The following RAP1GAP variants were observed in gnomAD, a reference collection of about 807,000 sequenced individuals.
RAP1GAP encodes rap1 GTPase-activating protein 1.
RAP1GAP carries 35 observed loss-of-function variants against 87.2 expected under a neutral mutation model. The ratio of observed to expected loss-of-function variants is 0.40; its 90% CI spans 0.31 to 0.53. The LOEUF (loss-of-function observed/expected upper bound fraction) is 0.53. RAP1GAP is among the 20% of genes least tolerant of loss of function. RAP1GAP has a pLI of 0.48. For synonymous variants in RAP1GAP, 375 were observed against 363.9 expected, an observed-to-expected ratio of 1.03 and a Z score of -0.35; for missense variants, 734 against 898.9, an observed-to-expected ratio of 0.82 and a Z score of 2.35.
intron 1 of RAP1GAP, chr1:21,651,773 C>G: frequency 6.9e-7 from 1 of 1,443,894 alleles, no homozygotes; most frequent in South Asian, 1.4e-5. Context: ...CCGCGCCACG[C>G]CCTACCCGCC....
intron 2 of RAP1GAP, among the ~76,000 whole-genome samples, chr1:21,630,266 C>T (rs202143254): frequency 1.4e-5 from 2 of 145,884 alleles, no homozygotes; most frequent in Non-Finnish European, 3.0e-5. Flanking sequence ...TTCTTTTTCC[C>T]TTTTTTTTTT....
rs1405330877 is a variant in RAP1GAP, at chr1:21,615,199, A to T, written c.292-1110T>A. Among the ~76,000 whole-genome samples, 2 of 152,120 alleles carry T rather than the reference A, an allele frequency of 1.3e-5. No homozygotes were observed. Among genetic ancestry groups the T allele is most frequent in the Non-Finnish European group, 2.9e-5 (2 of 68,006 alleles). ...AGAGGAGCCCCCGGGACACAGTGGG[A>T]GAGCGGGCTCAGGGTCCCAGGAAGT... On this transcript the variant is annotated intron_variant, in intron 7 of 24. Coordinates refer to ENST00000374765, the MANE Select transcript of RAP1GAP (RefSeq NM_002885.4). The surrounding 1 kb of genome is among the most constrained non-coding windows in gnomAD (Gnocchi z 4.5).
At chr1:21,624,700 C>T (rs924865621) in intron 3 of RAP1GAP, among the ~76,000 whole-genome samples, 3 of 152,262 alleles carry the variant, frequency 2.0e-5, no homozygotes, top group Non-Finnish European at 2.9e-5. Context: ...GTTCAGAGCC[C>T]GCTGTCTGAG....
At chr1:21,601,611 G>A (rs1465429583) in intron 20 of RAP1GAP, 73 bp downstream of exon 20, 1 of 1,198,532 alleles carries the variant, frequency 8.3e-7, no homozygotes, top group East Asian at 2.4e-5. Context: ...TGCTGTCCCG[G>A]GCCCAGGCAG....
In RAP1GAP at chr1:21,609,967, C is replaced by G. The variant is rs1194923999; in HGVS notation, c.999+153G>C. Among the ~76,000 whole-genome samples, 1 of 152,070 alleles carries G rather than the reference C, an allele frequency of 6.6e-6. No individual in the cohort carries two copies. Among genetic ancestry groups the G allele is most frequent in the African/African-American group, 2.4e-5 (1 of 41,392 alleles). The stretch of plus-strand genomic sequence containing the variant: ...CTGAGGGGGTGAGCTTTGGGGACGA[C>G]AGGGGGCGTGGTGTGAACAGTGCAC... On this transcript the variant is annotated intron_variant, in intron 14 of 24. Coordinates refer to ENST00000374765, the MANE Select transcript of RAP1GAP (RefSeq NM_002885.4). This position sits in a 1 kb window ranked among gnomAD's most constrained non-coding sequence, Gnocchi z 4.4.
At position 21,648,262 on chromosome 1, in the gene RAP1GAP, C is replaced by T. The variant is rs1019919929; in HGVS notation, c.-113+1499G>A. ...CTGGCCAGTTACAATCAGTCCTGGGCCCTCGTCTCTAACTCTTGGCTTAGG... is the reference window on the plus strand; with the variant it reads ...CTGGCCAGTTACAATCAGTCCTGGGTCCTCGTCTCTAACTCTTGGCTTAGG... On this transcript the variant is annotated intron_variant, in intron 2 of 24. Transcript: ENST00000374765. Among the ~76,000 whole-genome samples, 5 of 152,308 alleles carry T rather than the reference C, an allele frequency of 3.3e-5. No individual in the cohort carries two copies. The East Asian group carries it at 9.6e-4, about 29-fold the overall frequency.
At chr1:21,638,745 T>A (rs753712476) in intron 2 of RAP1GAP, among the ~76,000 whole-genome samples, 35 of 152,182 alleles carry the variant, frequency 2.3e-4, no homozygotes, top group Non-Finnish European at 3.8e-4. Flanking sequence ...AATTAAAGAT[T>A]TTAGAGAGCT....
At chr1:21,620,174 G>T in intron 3 of RAP1GAP, 124 bp from the exon 4 acceptor site, 1 of 969,710 alleles carries the variant, frequency 1.0e-6, no homozygotes, top group Non-Finnish European at 1.6e-6. Context: ...TGTCTGAGTA[G>T]CAAGCGGGAG....
intron 17 of RAP1GAP, among the ~76,000 whole-genome samples, chr1:21,607,579 G>A (rs989799939): frequency 6.6e-6 from 1 of 152,044 alleles, no homozygotes; most frequent in Non-Finnish European, 1.5e-5. Flanking sequence ...AGTCAAGACA[G>A]AGCCTCTTCC....
intron 5 of RAP1GAP, among the ~76,000 whole-genome samples, chr1:21,618,173 A>G (rs1389984111): frequency 6.6e-6 from 1 of 152,176 alleles, no homozygotes; most frequent in Non-Finnish European, 1.5e-5. Flanking sequence ...GCCTGGAGAA[A>G]GGAGGGCTCA....
chr1:21,653,675 T>TAGC (rs573247587), intron 1 of RAP1GAP, among the ~76,000 whole-genome samples: 105 of 150,324 alleles, frequency 7.0e-4, no homozygotes, highest in Middle Eastern at 3.4e-3. Flanking sequence ...TCCTAAGTAG[T>TAGC]AGCAGCAGCA....
intron 2 of RAP1GAP, chr1:21,626,942 C>T (rs995915928): frequency 2.4e-5 from 11 of 456,636 alleles, no homozygotes; most frequent in African/African-American, 1.2e-4. Context: ...TCCCACTTTA[C>T]AGACAGGACC....
At chr1:21,652,874 TC>T (rs1178764827) in intron 1 of RAP1GAP, among the ~76,000 whole-genome samples, 1 of 151,886 alleles carries the variant, frequency 6.6e-6, no homozygotes, top group Non-Finnish European at 1.5e-5. Flanking sequence ...GAGAGATCCT[TC>T]CCCCAGGCCC....
intron 1 of RAP1GAP, among the ~76,000 whole-genome samples, chr1:21,659,171 T>C (rs1438737698): frequency 2.0e-5 from 3 of 151,926 alleles, no homozygotes; most frequent in Non-Finnish European, 4.4e-5. Context: ...TCCCAAAGTG[T>C]TGGGATAACA....
intron 22 of RAP1GAP, 139 bp from the exon 23 acceptor site, chr1:21,598,203 C>T (rs1646363814): frequency 6.5e-6 from 5 of 768,324 alleles, no homozygotes; most frequent in East Asian, 2.7e-5. Context: ...CATTATCCTC[C>T]GAGACCCTTC....
In RAP1GAP at chr1:21,603,822, C is replaced by T. The variant is rs774746432; in HGVS notation, c.1429-909G>A. 10 of 1,610,576 alleles carry T rather than the reference C, an allele frequency of 6.2e-6. No individual in the cohort carries two copies. The highest frequency in any genetic ancestry group is 3.3e-5 in the South Asian group (3 of 90,866). ...AGGCAGCCTCCAGAGCCGGCGGCCC[C>T]GCGGACGACAACCTCTTCCACGGTT... On this transcript the variant is annotated intron_variant, in intron 18 of 24. Transcript: ENST00000374765. The surrounding 1 kb of genome is among the most constrained non-coding windows in gnomAD (Gnocchi z 6.0).
chr1:21,650,467 C>T (rs1558876461), intron 1 of RAP1GAP, among the ~76,000 whole-genome samples: 1 of 152,020 alleles, frequency 6.6e-6, no homozygotes, highest in Non-Finnish European at 1.5e-5. Flanking sequence ...CTCCTACTGC[C>T]CTCTGAGGGC....
chr1:21,608,224 CAAAG>C lies in RAP1GAP; in HGVS notation c.1281_1284del (p.Phe427LeufsTer20). The C allele has an allele frequency of 6.2e-7, 1 of 1,614,016 alleles. No individual in the cohort carries two copies. Among genetic ancestry groups the C allele is most frequent in the Non-Finnish European group, 8.5e-7 (1 of 1,179,930 alleles). Reference sequence around the variant, plus strand: ...CTGGGGCCCTTCACCTTGAAAGACTCAAAGAAGCCGCCGCCCCCACTGCCATTCT... The same window carrying C: ...CTGGGGCCCTTCACCTTGAAAGACTCAAGCCGCCGCCCCCACTGCCATTCT... On this transcript the variant is annotated frameshift_variant, in exon 17 of 25. Coordinates refer to ENST00000374765, the MANE Select transcript of RAP1GAP (RefSeq NM_002885.4). LOFTEE classifies it high-confidence loss of function.
At chr1:21,607,067 C>T (rs1039101764) in intron 17 of RAP1GAP, among the ~76,000 whole-genome samples, 15 of 152,212 alleles carry the variant, frequency 9.9e-5, no homozygotes, top group Non-Finnish European at 1.9e-4. Flanking sequence ...TATTCCAACC[C>T]ATAGCTCCAG....
Sources: gnomAD v4.1 joint callset for allele counts (sites outside exome capture counted in the v4.1 genomes callset) on GRCh38, gnomAD v4.1.1 for gene constraint, Gnocchi (gnomAD v3.1) non-coding constraint, MANE v1.5 for transcripts, NCBI Gene and HGNC (gene_info 2026-07-23, HGNC 2026-07-21) for gene names.